The following NWD2 variants were observed in gnomAD, a reference collection of about 807,000 sequenced individuals.
NWD2 encodes NACHT and WD repeat domain-containing protein 2.
Under a neutral mutation model 132.7 loss-of-function variants are expected in NWD2, and 37 were observed. The observed-to-expected ratio is 0.28, with a 90% CI of 0.21 to 0.37. NWD2 has a LOEUF of 0.37. NWD2 is among the 10% of genes least tolerant of loss of function. The pLI is 1.00. For synonymous variants in NWD2, 705 were observed against 803.0 expected (o/e 0.88, Z 2.06); for missense variants, 1,592 against 2,122.4 (o/e 0.75, Z 4.91).
rs185663805 is a variant in NWD2, at chr4:37,278,236, G to A, written c.151+33018G>A. ...AGTTAGGAGTGTCTGAATAGCTTGAGTTGGTATTCTGGTGCTCTCTGCATG... is the reference window on the plus strand; with the variant it reads ...AGTTAGGAGTGTCTGAATAGCTTGAATTGGTATTCTGGTGCTCTCTGCATG... On this transcript the variant is annotated intron_variant, in intron 1 of 6. Coordinates refer to ENST00000309447, the MANE Select transcript of NWD2 (RefSeq NM_001144990.2). Among the ~76,000 whole-genome samples the A allele has an allele frequency of 1.2e-4, 18 of 152,296 alleles. No individual in the cohort carries two copies. The East Asian group carries it at 3.5e-3, about 29-fold the overall frequency.
Position 37,448,149 on chromosome 4 carries a change from T to C in NWD2, c.*932T>C, listed in dbSNP as rs1041607087. ...CCTAAATTCCTGCAGTTAGTCTTCA[T>C]AGAAAGCAAGCTTTCTCAACATGCC... On this transcript the variant is annotated 3_prime_UTR_variant, in exon 7 of 7. Coordinates refer to ENST00000309447, the MANE Select transcript of NWD2 (RefSeq NM_001144990.2). The C allele has an allele frequency of 6.6e-6, 1 of 152,240 alleles. No homozygotes were observed. Among genetic ancestry groups the C allele is most frequent in the Non-Finnish European group, 1.5e-5 (1 of 68,036 alleles). 9.4% of individuals were successfully genotyped at this position (152,240 alleles called of 1,614,324 possible).
At chr4:37,322,130 G>A (rs1407183986) in intron 1 of NWD2, among the ~76,000 whole-genome samples, 2 of 152,104 alleles carry the variant, frequency 1.3e-5, no homozygotes, top group African/African-American at 4.8e-5. Flanking sequence ...GCGCATGTGT[G>A]GCTTTTTTCA....
At chr4:37,312,678 T>C (rs1185320856) in intron 1 of NWD2, among the ~76,000 whole-genome samples, 4 of 150,600 alleles carry the variant, frequency 2.7e-5, no homozygotes, top group Admixed American at 2.0e-4. Flanking sequence ...TGAATAGGAG[T>C]GGTGAGAGAG....
intron 1 of NWD2, among the ~76,000 whole-genome samples, chr4:37,254,550 T>G (rs1433585734): frequency 6.6e-6 from 1 of 152,234 alleles, no homozygotes; most frequent in Non-Finnish European, 1.5e-5. Flanking sequence ...ATGTAGGTAC[T>G]GAGATATGCA....
At chr4:37,250,421 A>G (rs1448147320) in intron 1 of NWD2, among the ~76,000 whole-genome samples, 1 of 152,162 alleles carries the variant, frequency 6.6e-6, no homozygotes, top group Non-Finnish European at 1.5e-5. Flanking sequence ...TCAATCCACA[A>G]TTTAATGCTG....
At chr4:37,413,863 T>C (rs555952093) in intron 3 of NWD2, among the ~76,000 whole-genome samples, 153 of 151,980 alleles carry the variant, frequency 1.0e-3, no homozygotes, top group Middle Eastern at 6.8e-3. Context: ...CAGCAAACTA[T>C]CACAAGAACA....
At chr4:37,368,775 A>T (rs1308643815) in intron 3 of NWD2, among the ~76,000 whole-genome samples, 2 of 152,182 alleles carry the variant, frequency 1.3e-5, no homozygotes, top group East Asian at 3.9e-4. Flanking sequence ...ATTATGGAAC[A>T]TGAGGCAAAA....
In NWD2 at chr4:37,447,341, T is replaced by C; in HGVS notation, c.*124T>C. The stretch of plus-strand genomic sequence containing the variant: ...GCGATGCTGGAATTCCAGTGTTTTA[T>C]TAAGATGTTCATGAAATGGACAAAT... On this transcript the variant is annotated 3_prime_UTR_variant, in exon 7 of 7. Transcript: ENST00000309447. 1 of 760,898 alleles carries C rather than the reference T, an allele frequency of 1.3e-6. No individual in the cohort carries two copies. The highest frequency in any genetic ancestry group is 2.1e-6 in the Non-Finnish European group (1 of 479,658). 47.1% of individuals were successfully genotyped at this position (760,898 alleles called of 1,614,324 possible).
At chr4:37,268,160 A>G (rs1368109669) in intron 1 of NWD2, among the ~76,000 whole-genome samples, 2 of 151,882 alleles carry the variant, frequency 1.3e-5, no homozygotes, top group African/African-American at 2.4e-5. Flanking sequence ...AAACCTACCT[A>G]CAAATTTGGG....
At chr4:37,304,876 T>C (rs1022727510) in intron 1 of NWD2, among the ~76,000 whole-genome samples, 23 of 152,142 alleles carry the variant, frequency 1.5e-4, no homozygotes, top group African/African-American at 5.5e-4. Context: ...TTCTCACAGC[T>C]CCACTAGGCA....
chr4:37,378,262 C>T (rs527290790), intron 3 of NWD2, among the ~76,000 whole-genome samples: 1 of 108,718 alleles, frequency 9.2e-6, no homozygotes, highest in African/African-American at 3.5e-5. Context: ...ATTCTGCTCT[C>T]CTATATTGAT....
At chr4:37,268,769 T>C (rs1717810585) in intron 1 of NWD2, among the ~76,000 whole-genome samples, 1 of 151,684 alleles carries the variant, frequency 6.6e-6, no homozygotes, top group Non-Finnish European at 1.5e-5. Flanking sequence ...GGCAGCTGTA[T>C]ATATAATGAG....
chr4:37,250,756 A>T (rs908111138), intron 1 of NWD2, among the ~76,000 whole-genome samples: 1 of 152,212 alleles, frequency 6.6e-6, no homozygotes, highest in African/African-American at 2.4e-5. Flanking sequence ...AATGACAGGG[A>T]TATGTTCTGG....
intron 3 of NWD2, among the ~76,000 whole-genome samples, chr4:37,374,887 TGA>T (rs1472383225): frequency 6.6e-6 from 1 of 152,260 alleles, no homozygotes. Context: ...AACTCTGTGC[TGA>T]GAGTTTCTCA....
chr4:37,396,918 A>G (rs935502346), intron 3 of NWD2, among the ~76,000 whole-genome samples: 1 of 152,176 alleles, frequency 6.6e-6, no homozygotes, highest in Non-Finnish European at 1.5e-5. Context: ...CTGTAATCCC[A>G]GCTACTCGGG....
intron 5 of NWD2, among the ~76,000 whole-genome samples, chr4:37,434,748 G>C (rs118013318): frequency 1.3e-5 from 2 of 151,020 alleles, no homozygotes; most frequent in African/African-American, 4.9e-5. Context: ...CTAATTCCAG[G>C]AGCAGGAAAA....
intron 3 of NWD2, among the ~76,000 whole-genome samples, chr4:37,397,033 C>A (rs1236462591): frequency 6.7e-6 from 1 of 149,330 alleles, no homozygotes; most frequent in African/African-American, 2.5e-5. Context: ...AACTCTGTTG[C>A]AAAAAAAAAA....
At chr4:37,298,950 G>T (rs990351074) in intron 1 of NWD2, among the ~76,000 whole-genome samples, 18 of 152,104 alleles carry the variant, frequency 1.2e-4, no homozygotes, top group Non-Finnish European at 2.2e-4. Context: ...ATAATGGCTT[G>T]TGAACTAGTC....
intron 2 of NWD2, among the ~76,000 whole-genome samples, chr4:37,340,037 TAA>T (rs1300213580): frequency 6.6e-6 from 1 of 152,014 alleles, no homozygotes; most frequent in East Asian, 1.9e-4. Context: ...AACCTTTTGA[TAA>T]GTCTTCATAT....
Sources: allele counts gnomAD v4.1 joint callset (sites outside exome capture counted in the v4.1 genomes callset), GRCh38; gene constraint gnomAD v4.1.1; transcripts MANE v1.5; gene names NCBI Gene and HGNC (gene_info 2026-07-23, HGNC 2026-07-21).